The following GALNTL6 variants were observed in gnomAD, a reference collection of about 807,000 sequenced individuals.
The protein encoded by GALNTL6 is polypeptide N-acetylgalactosaminyltransferase like 6, also known as polypeptide N-acetylgalactosaminyltransferase-like 6.
A neutral mutation model predicts 73.7 loss-of-function variants in GALNTL6; 46 were observed. The ratio of observed to expected loss-of-function variants is 0.62; its 90% CI spans 0.49 to 0.80. The LOEUF (loss-of-function observed/expected upper bound fraction) is 0.80, where lower values mean the gene tolerates loss of function less well. Among genes scored for constraint, GALNTL6 ranks in the 30% least tolerant of loss-of-function variants. The probability of loss-of-function intolerance (pLI) is 0.00; values close to 1 mark genes in which losing one functional copy is unlikely to be tolerated. For synonymous variants in GALNTL6, 259 were observed against 263.7 expected (o/e 0.98, Z 0.17); for missense variants, 604 against 755.0 (o/e 0.80, Z 2.34).
At chr4:172,871,703 G>C (rs1193595351) in intron 7 of GALNTL6, among the ~76,000 whole-genome samples, 3 of 151,446 alleles carry the variant, frequency 2.0e-5, no homozygotes, top group African/African-American at 7.3e-5. Flanking sequence ...CAAGGCAAAT[G>C]GTACAATTCT....
chr4:171,895,379 T>A (rs935731170), intron 2 of GALNTL6, among the ~76,000 whole-genome samples: 1 of 152,150 alleles, frequency 6.6e-6, no homozygotes, highest in African/African-American at 2.4e-5. Context: ...CTCTGTTTTC[T>A]GGAGTAGGGG....
At chr4:172,875,710 A>G (rs539512845) in intron 7 of GALNTL6, among the ~76,000 whole-genome samples, 2 of 145,644 alleles carry the variant, frequency 1.4e-5, no homozygotes, top group South Asian at 4.4e-4. Flanking sequence ...TTGTTGTTAG[A>G]TCCTCCCTTT....
chr4:171,826,846 C>T (rs980450014), intron 2 of GALNTL6, among the ~76,000 whole-genome samples: 1 of 151,936 alleles, frequency 6.6e-6, no homozygotes, highest in Non-Finnish European at 1.5e-5. Flanking sequence ...TCAGGCTTCT[C>T]GGTGCACACC....
At chr4:172,136,823 A>G (rs1182154715) in intron 2 of GALNTL6, among the ~76,000 whole-genome samples, 2 of 152,028 alleles carry the variant, frequency 1.3e-5, no homozygotes, top group Non-Finnish European at 2.9e-5. Context: ...TAAAATATTT[A>G]CTAAAAAATA....
intron 8 of GALNTL6, among the ~76,000 whole-genome samples, chr4:172,917,725 G>C (rs1368538623): frequency 2.0e-5 from 3 of 152,010 alleles, no homozygotes; most frequent in Non-Finnish European, 2.9e-5. Flanking sequence ...GTTAGAATGG[G>C]GATCATTAAA....
rs923941432 is a variant in GALNTL6 at position 172,270,358 on chromosome 4, A to G, written c.247+40594A>G. ...AATTTAATTGACCATTCTGGAAACTAAGATTCAAGAAGTGATACAGTCCTC... is the reference window on the plus strand; with the variant it reads ...AATTTAATTGACCATTCTGGAAACTGAGATTCAAGAAGTGATACAGTCCTC... On this transcript the variant is annotated intron_variant, in intron 3 of 12. Coordinates refer to ENST00000506823, the MANE Select transcript of GALNTL6 (RefSeq NM_001034845.3). Among the ~76,000 whole-genome samples the G allele has an allele frequency of 4.6e-5, 7 of 152,294 alleles. No homozygotes were observed. The South Asian group carries it at 6.2e-4, about 14-fold the overall frequency.
intron 5 of GALNTL6, among the ~76,000 whole-genome samples, chr4:172,731,327 A>G (rs948566505): frequency 2.0e-5 from 3 of 151,684 alleles, no homozygotes; most frequent in African/African-American, 7.3e-5. Flanking sequence ...TAGTTTTTTC[A>G]TTGTGTTGGC....
intron 2 of GALNTL6, among the ~76,000 whole-genome samples, chr4:171,843,712 T>C (rs1735299670): frequency 6.6e-6 from 1 of 152,116 alleles, no homozygotes; most frequent in African/African-American, 2.4e-5. Context: ...TGGATGAAGA[T>C]GTTGGATGAA....
intron 2 of GALNTL6, among the ~76,000 whole-genome samples, chr4:172,123,398 C>T: frequency 7.1e-6 from 1 of 141,644 alleles, no homozygotes; most frequent in Non-Finnish European, 1.5e-5. Flanking sequence ...ACAGACTTTA[C>T]CAAATTGCTG....
At chr4:172,441,518 T>C (rs913861207) in intron 5 of GALNTL6, among the ~76,000 whole-genome samples, 7 of 152,070 alleles carry the variant, frequency 4.6e-5, no homozygotes, top group African/African-American at 1.7e-4. Flanking sequence ...ATGCCTTAAG[T>C]GTTCTTTATG....
At chr4:172,983,006 G>A (rs1442930993) in intron 10 of GALNTL6, among the ~76,000 whole-genome samples, 1 of 152,144 alleles carries the variant, frequency 6.6e-6, no homozygotes, top group Non-Finnish European at 1.5e-5. Flanking sequence ...GAGGGAGGTG[G>A]ATGATGAGAA....
At chr4:172,958,605 GT>G (rs1036856977) in intron 10 of GALNTL6, among the ~76,000 whole-genome samples, 6 of 152,186 alleles carry the variant, frequency 3.9e-5, no homozygotes, top group African/African-American at 1.4e-4. Context: ...AGGTGTTGGG[GT>G]TTGAGAGATC....
At chr4:172,748,565 T>TA (rs2110770237) in intron 5 of GALNTL6, among the ~76,000 whole-genome samples, 1 of 152,180 alleles carries the variant, frequency 6.6e-6, no homozygotes, top group South Asian at 2.1e-4. Context: ...ATGTTGAACT[T>TA]ACAGAAGTTG....
At chr4:172,601,225 A>T (rs1403483362) in intron 5 of GALNTL6, among the ~76,000 whole-genome samples, 1 of 152,228 alleles carries the variant, frequency 6.6e-6, no homozygotes, top group Non-Finnish European at 1.5e-5. Context: ...AGGTCAACTT[A>T]ACAACATAGC....
intron 5 of GALNTL6, among the ~76,000 whole-genome samples, chr4:172,685,527 G>A (rs1260650197): frequency 6.6e-6 from 1 of 152,156 alleles, no homozygotes; most frequent in Non-Finnish European, 1.5e-5. Flanking sequence ...AGTGTGACCA[G>A]AGGATAAAGA....
chr4:172,273,639 T>C (rs1738732405), intron 3 of GALNTL6, among the ~76,000 whole-genome samples: 1 of 152,032 alleles, frequency 6.6e-6, no homozygotes, highest in African/African-American at 2.4e-5. Flanking sequence ...TAGAGTTAGC[T>C]AGGAGGAGTT....
At chr4:172,471,522 CTT>C (rs1733050068) in intron 5 of GALNTL6, among the ~76,000 whole-genome samples, 1 of 152,024 alleles carries the variant, frequency 6.6e-6, no homozygotes, top group Non-Finnish European at 1.5e-5. Context: ...CTTTTTTTCT[CTT>C]CTGTATTTAG....
At chr4:172,859,236 C>T (rs1560997120) in intron 7 of GALNTL6, among the ~76,000 whole-genome samples, 1 of 152,088 alleles carries the variant, frequency 6.6e-6, no homozygotes, top group Non-Finnish European at 1.5e-5. Context: ...ACAGCAAGTT[C>T]CAGAGGCCTT....
chr4:172,627,611 A>C (rs1361477947), intron 5 of GALNTL6, among the ~76,000 whole-genome samples: 1 of 151,736 alleles, frequency 6.6e-6, no homozygotes, highest in East Asian at 1.9e-4. Context: ...TTCAGCTGTG[A>C]ATCCATCTGG....
Sources: allele counts gnomAD v4.1 joint callset (sites outside exome capture counted in the v4.1 genomes callset), GRCh38; gene constraint gnomAD v4.1.1; transcripts MANE v1.5; gene names NCBI Gene and HGNC (gene_info 2026-07-23, HGNC 2026-07-21).